Variants in AHR observed in about 807,000 individuals in gnomAD.
The protein encoded by AHR is aryl hydrocarbon receptor.
AHR carries 40 observed loss-of-function variants against 86.8 expected under a neutral mutation model. The observed-to-expected ratio is 0.46, with a 90% CI of 0.36 to 0.60. The LOEUF (loss-of-function observed/expected upper bound fraction) is 0.60. AHR is among the 20% of genes least tolerant of loss of function. The pLI, the probability that AHR is intolerant of heterozygous loss-of-function variation, is 0.00. For synonymous variants in AHR, 398 were observed against 354.9 expected (o/e 1.12, Z -1.37); for missense variants, 1,001 against 1,011.6 (o/e 0.99, Z 0.14).
chr7:17,340,112 A>C lies in AHR; in HGVS notation c.2287A>C (p.Thr763Pro). ...ACAGTCAGCCATAATAACTCCTCAG[A>C]CATGTTATGCTGGGGCCGTGTCGAT... The part of the protein sequence containing the change: ...NPQSAIITPQ[T>P]CYAGAVSMYQ... Residue 763 changes from threonine (T) to proline (P), a missense_variant, in exon 10 of 11, where the codon ACA (threonine) becomes CCA (proline). Physicochemically the swap from Thr to Pro is conservative, Grantham distance 38. Around this residue, in one of 2 missense-constraint regions of AHR, gnomAD observed 607 missense variants for 543.1 expected, o/e 1.12. Transcript: ENST00000242057. 6.2e-7 allele frequency: 1 copy of C among 1,614,192 alleles called. No individual in the cohort carries two copies. Among genetic ancestry groups the C allele is most frequent in the Non-Finnish European group, 8.5e-7 (1 of 1,180,038 alleles).
intron 5 of AHR, among the ~76,000 whole-genome samples, 173 bp downstream of exon 5, chr7:17,330,248 A>G (rs113170944): frequency 6.6e-6 from 1 of 151,888 alleles, no homozygotes; most frequent in African/African-American, 2.4e-5. Flanking sequence ...GAGCTAAGGA[A>G]TATTTTGGCA....
rs531715713 is a variant in AHR at position 17,337,016 on chromosome 7, G to A, written c.1160+1230G>A. ...ATATATCAGTTTCCCTTTAAGTACA[G>A]CATTACAACCCTCATCTTTTGCTAT... On this transcript the variant is annotated intron_variant, in intron 9 of 10. Coordinates refer to ENST00000242057, the MANE Select transcript of AHR (RefSeq NM_001621.5). Among the ~76,000 whole-genome samples the A allele has an allele frequency of 3.3e-5, 5 of 151,956 alleles. No homozygotes were observed. In the South Asian group the frequency reaches 1.0e-3, roughly 32 times the overall value.
At chr7:17,338,350 TA>T (rs1478411600) in intron 9 of AHR, among the ~76,000 whole-genome samples, 5 of 152,080 alleles carry the variant, frequency 3.3e-5, no homozygotes, top group Non-Finnish European at 7.4e-5. Flanking sequence ...CTAATTTTTT[TA>T]TTTTTTTATT....
At chr7:17,301,041 A>G (rs1781950357) in intron 1 of AHR, among the ~76,000 whole-genome samples, 1 of 152,074 alleles carries the variant, frequency 6.6e-6, no homozygotes, top group Non-Finnish European at 1.5e-5. Flanking sequence ...TTATCCTAAT[A>G]TTATACTTAC....
intron 1 of AHR, among the ~76,000 whole-genome samples, chr7:17,307,651 C>G (rs548043818): frequency 6.6e-6 from 1 of 152,238 alleles, no homozygotes; most frequent in African/African-American, 2.4e-5. Flanking sequence ...ATGGACAGTT[C>G]AGAGCTACTG....
At chr7:17,338,130 C>T (rs1420931671) in intron 9 of AHR, among the ~76,000 whole-genome samples, 1 of 147,660 alleles carries the variant, frequency 6.8e-6, no homozygotes, top group Non-Finnish European at 1.5e-5. Flanking sequence ...ACCCGGGAGG[C>T]GGAGCTTGCA....
At chr7:17,315,806 T>A (rs2115355920) in intron 2 of AHR, among the ~76,000 whole-genome samples, 1 of 152,114 alleles carries the variant, frequency 6.6e-6, no homozygotes, top group South Asian at 2.1e-4. Context: ...GTAATATTTG[T>A]ATATTATTTT....
At chr7:17,334,826 G>A (rs1029545383) in intron 7 of AHR, 61 bp from the exon 8 acceptor site, 7 of 1,192,978 alleles carry the variant, frequency 5.9e-6, no homozygotes, top group Non-Finnish European at 7.2e-6. Flanking sequence ...ATTTATCTTG[G>A]TTATTTCATT....
chr7:17,308,256 G>A (rs1237216274), intron 1 of AHR, among the ~76,000 whole-genome samples: 1 of 151,932 alleles, frequency 6.6e-6, no homozygotes, highest in Admixed American at 6.6e-5. Flanking sequence ...TTCATGTGGG[G>A]GAATTCTTAC....
chr7:17,321,217 A>C (rs1284436077), intron 2 of AHR, among the ~76,000 whole-genome samples: 1 of 152,110 alleles, frequency 6.6e-6, no homozygotes, highest in Non-Finnish European at 1.5e-5. Context: ...ATTATGCTTT[A>C]TAACCAAGCA....
In AHR at chr7:17,339,602, C is replaced by T. The variant is rs756932231; in HGVS notation, c.1777C>T (p.Pro593Ser). The T allele has an allele frequency of 6.2e-7, 1 of 1,614,132 alleles. No homozygotes were observed. The change falls in exon 10 of 11, where the codon CCC (proline) becomes TCC (serine). Residue 593 changes from proline to serine, a missense_variant. Around this residue, in one of 2 missense-constraint regions of AHR, gnomAD observed 607 missense variants for 543.1 expected, o/e 1.12. Transcript: ENST00000242057. ...TYVQDSLSKS[P>S]FIPSDYQQQQ... ...TGTCCAAGATTCTTTAAGTAAGTCTCCCTTCATACCTTCAGATTATCAACA... is the reference window on the plus strand; with the variant it reads ...TGTCCAAGATTCTTTAAGTAAGTCTTCCTTCATACCTTCAGATTATCAACA...
At chr7:17,306,594 C>G (rs777087059) in intron 1 of AHR, among the ~76,000 whole-genome samples, 1 of 152,100 alleles carries the variant, frequency 6.6e-6, no homozygotes, top group East Asian at 1.9e-4. Context: ...TTCCATAGCC[C>G]TATACCTAAA....
At chr7:17,308,036 A>G (rs1782023420) in intron 1 of AHR, among the ~76,000 whole-genome samples, 1 of 152,036 alleles carries the variant, frequency 6.6e-6, no homozygotes. Context: ...TTTTCTTCTT[A>G]GCACTCACCG....
At position 17,339,758 on chromosome 7, in the gene AHR, A is replaced by T; in HGVS notation, c.1933A>T (p.Met645Leu). ...QQQLCQKMKHMQVNGMFENWN... is the reference protein window; with the variant it reads ...QQQLCQKMKHLQVNGMFENWN... ...ACAGCTGTGTCAGAAGATGAAGCAC[A>T]TGCAAGTTAATGGCATGTTTGAAAA... Residue 645 changes from methionine (M) to leucine (L), a missense_variant, in exon 10 of 11, where the codon ATG becomes TTG. Coordinates refer to ENST00000242057, the MANE Select transcript of AHR (RefSeq NM_001621.5). 1.9e-6 allele frequency: 3 copies of T among 1,614,218 alleles called. No individual in the cohort carries two copies. The highest frequency in any genetic ancestry group is 2.5e-6 in the Non-Finnish European group (3 of 1,180,044).
At chr7:17,301,088 A>C (rs918206572) in intron 1 of AHR, among the ~76,000 whole-genome samples, 3 of 152,222 alleles carry the variant, frequency 2.0e-5, no homozygotes, top group African/African-American at 7.2e-5. Flanking sequence ...TTCTTATAAT[A>C]TAACAAAAGT....
In AHR at chr7:17,339,189, C is replaced by T. The variant is rs1348476694; in HGVS notation, c.1364C>T (p.Ser455Phe). 3.7e-6 allele frequency: 6 copies of T among 1,614,154 alleles called. No individual in the cohort carries two copies. The highest frequency in any genetic ancestry group is 5.1e-6 in the Non-Finnish European group (6 of 1,180,028). The change falls in exon 10 of 11, where the codon TCC becomes TTC. Residue 455 changes from serine (S) to phenylalanine (F), a missense_variant. By Grantham distance (155) the Ser-to-Phe change is radical (BLOSUM62 -2). Coordinates refer to ENST00000242057, the MANE Select transcript of AHR (RefSeq NM_001621.5). The part of the protein sequence containing the change: ...TLSKDSLNPS[S>F]LLAAMMQQDE... ...AGCAAGGACTCTCTCAATCCTAGTT[C>T]CCTCCTGGCTGCCATGATGCAACAA... is the stretch of plus-strand genomic sequence containing the variant.
chr7:17,305,191 G>C (rs905677658), intron 1 of AHR, among the ~76,000 whole-genome samples: 2 of 152,134 alleles, frequency 1.3e-5, no homozygotes, highest in African/African-American at 4.8e-5. Flanking sequence ...AGAAGTTTTT[G>C]TAGATGTTTT....
At chr7:17,312,069 A>G (rs1372784695) in intron 2 of AHR, among the ~76,000 whole-genome samples, 1 of 152,180 alleles carries the variant, frequency 6.6e-6, no homozygotes, top group African/African-American at 2.4e-5. Context: ...ATAGGGCTAG[A>G]TGCATATTGA....
intron 2 of AHR, among the ~76,000 whole-genome samples, chr7:17,314,706 G>A (rs1782098710): frequency 6.6e-6 from 1 of 152,036 alleles, no homozygotes. Context: ...TAAAAATGAA[G>A]TAATGCACTT....
Sources: allele counts gnomAD v4.1 joint callset (sites outside exome capture counted in the v4.1 genomes callset), GRCh38; gene constraint gnomAD v4.1.1; regional missense constraint gnomAD v4.1.1; transcripts MANE v1.5; gene names NCBI Gene and HGNC (gene_info 2026-07-23, HGNC 2026-07-21).